Variants in POU2F3 observed in about 807,000 individuals in gnomAD.
POU2F3 encodes POU class 2 homeobox 3, also known as POU domain, class 2, transcription factor 3.
In POU2F3, 23 loss-of-function variants were observed where a neutral mutation model predicts 59.2. The observed-to-expected ratio is 0.39, with a 90% CI of 0.28 to 0.55. The LOEUF is 0.55. Among genes scored for constraint, POU2F3 ranks in the 20% least tolerant of loss-of-function variants. POU2F3 has a pLI of 0.66. For missense variants in POU2F3, 473 were observed against 544.5 expected (o/e 0.87, Z 1.31); for synonymous variants, 190 against 214.6 (o/e 0.89, Z 1.00).
chr11:120,250,829 T>C (rs963850311), intron 2 of POU2F3, among the ~76,000 whole-genome samples: 2 of 152,018 alleles, frequency 1.3e-5, no homozygotes, highest in African/African-American at 4.8e-5. Context: ...TACAAAAAAT[T>C]AGCCGGGCGT....
Position 120,299,701 on chromosome 11 carries a change from A to C in POU2F3, c.336A>C (p.Leu112=), listed in dbSNP as rs769265971. The C allele has an allele frequency of 1.5e-5, 25 of 1,613,234 alleles. No homozygotes were observed. The highest frequency in any genetic ancestry group is 6.7e-5 in the East Asian group (3 of 44,896). ...TACAGTCTGTATCCCAGTTCCTGCT[A>C]TCTCAGACCCAGCCTGGGCAGCAAG... ...GHLQSVSQFL[L]SQTQPGQQGL... Residue 112 remains leucine, a synonymous_variant, in exon 5 of 13, where the codon CTA becomes CTC. Coordinates refer to ENST00000543440, the MANE Select transcript of POU2F3 (RefSeq NM_014352.4).
chr11:120,242,309 T>A (rs945549975), intron 1 of POU2F3, among the ~76,000 whole-genome samples: 2 of 152,176 alleles, frequency 1.3e-5, no homozygotes, highest in African/African-American at 4.8e-5. Flanking sequence ...TGGTGGCCTT[T>A]ACTGTTCAAG....
At chr11:120,238,885 A>G (rs1172569444), upstream of POU2F3, among the ~76,000 whole-genome samples, 1 of 149,160 alleles carries the variant, frequency 6.7e-6, no homozygotes, top group Non-Finnish European at 1.5e-5. Flanking sequence ...TCTAAGCCTC[A>G]TTTTCCCCAT....
chr11:120,240,161 C>T lies in POU2F3; in HGVS notation c.-183C>T. 3 of 1,208,870 alleles carry T rather than the reference C, an allele frequency of 2.5e-6. No individual in the cohort carries two copies. The highest frequency in any genetic ancestry group is 3.1e-6 in the Non-Finnish European group (3 of 968,800). The allele number at this position is 1,208,870 out of a possible 1,614,324, so 74.9% of individuals were successfully genotyped here. ...GGGGAGTGTGGCAATCCTGGCGGCGCCGAGTGTTGCCCGGGCCGGAGCAGC... is the reference window on the plus strand; with the variant it reads ...GGGGAGTGTGGCAATCCTGGCGGCGTCGAGTGTTGCCCGGGCCGGAGCAGC... On this transcript the variant is annotated 5_prime_UTR_variant, in exon 1 of 13. Transcript: ENST00000543440.
chr11:120,289,709 T>C (rs1014206948), intron 3 of POU2F3, among the ~76,000 whole-genome samples: 3 of 152,234 alleles, frequency 2.0e-5, no homozygotes, highest in Non-Finnish European at 2.9e-5. Context: ...CTTTCTTTGC[T>C]TTTGCTGCCT....
At chr11:120,297,769 T>C (rs1453128550) in intron 3 of POU2F3, among the ~76,000 whole-genome samples, 2 of 151,336 alleles carry the variant, frequency 1.3e-5, no homozygotes, top group African/African-American at 2.4e-5. Context: ...TTTCTAAGAA[T>C]TTAATCCATT....
chr11:120,316,881 C>T (rs1941801153), intron 11 of POU2F3, among the ~76,000 whole-genome samples: 1 of 152,186 alleles, frequency 6.6e-6, no homozygotes, highest in Admixed American at 6.5e-5. Flanking sequence ...TGTTCTTTTT[C>T]TCCTACCGCC....
intron 5 of POU2F3, chr11:120,301,657 G>A (rs1941349783): frequency 6.5e-6 from 1 of 153,070 alleles, no homozygotes. Context: ...TGGGGAGGAT[G>A]GAGAAGCCGG....
At chr11:120,260,254 T>C (rs1365158968) in intron 2 of POU2F3, among the ~76,000 whole-genome samples, 1 of 152,250 alleles carries the variant, frequency 6.6e-6, no homozygotes, top group Non-Finnish European at 1.5e-5. Context: ...CTGCCAAAGC[T>C]ATGCAAATCA....
chr11:120,240,327 G>A lies in POU2F3; in HGVS notation c.-17G>A. ...GGGGCCTGGGGGGGCGCTGGCTTTG[G>A]CCCCGCCTGGGGCAGGATGGTGAAT... On this transcript the variant is annotated 5_prime_UTR_variant, in exon 1 of 13. Transcript: ENST00000543440. 7.2e-7 allele frequency: 1 copy of A among 1,381,702 alleles called. No individual in the cohort carries two copies. The allele number at this position is 1,381,702 out of a possible 1,614,324, so 85.6% of individuals were successfully genotyped here.
chr11:120,242,441 T>C (rs1296082562), intron 1 of POU2F3, among the ~76,000 whole-genome samples: 1 of 152,166 alleles, frequency 6.6e-6, no homozygotes, highest in African/African-American at 2.4e-5. Context: ...TCCAGGATCC[T>C]CTTTTGGAAA....
chr11:120,307,736 A>T, intron 9 of POU2F3, 121 bp downstream of exon 9: 1 of 1,334,796 alleles, frequency 7.5e-7, no homozygotes, highest in East Asian at 2.4e-5. Flanking sequence ...GGACACGATC[A>T]GAAAACACAT....
At chr11:120,236,648 A>C (rs978854175), upstream of POU2F3, 31 of 1,479,428 alleles carry the variant, frequency 2.1e-5, no homozygotes, top group Middle Eastern at 1.7e-4. Flanking sequence ...ATCTCACTCC[A>C]GCCCAGAGCT....
At chr11:120,305,272 C>T in intron 7 of POU2F3, 60 bp downstream of exon 7, 5 of 1,567,914 alleles carry the variant, frequency 3.2e-6, no homozygotes, top group Non-Finnish European at 4.3e-6. Flanking sequence ...ACTGGGCTTC[C>T]CAAGTGCAGG....
intron 2 of POU2F3, among the ~76,000 whole-genome samples, chr11:120,250,704 G>T (rs771459084): frequency 6.6e-6 from 1 of 152,148 alleles, no homozygotes; most frequent in Non-Finnish European, 1.5e-5. Context: ...GTCTGGGCGC[G>T]GTGGCTCATG....
At chr11:120,253,820 C>T (rs1939220634) in intron 2 of POU2F3, among the ~76,000 whole-genome samples, 2 of 152,232 alleles carry the variant, frequency 1.3e-5, no homozygotes, top group African/African-American at 4.8e-5. Context: ...CCTCCGTGAG[C>T]AATGGCTCCA....
rs570515799 is a variant in POU2F3 at position 120,251,318 on chromosome 11, G to A, written c.97+4801G>A. On this transcript the variant is annotated intron_variant, in intron 2 of 12. Transcript: ENST00000543440. ...AGCACATGTGTGAGCCTGTGCGTGC[G>A]CACACACACACACGCACACACACTC... Among the ~76,000 whole-genome samples the A allele has an allele frequency of 6.6e-4, 100 of 151,996 alleles. 2 individuals carry two copies. The South Asian group carries it at 0.015, about 23-fold the overall frequency.
intron 2 of POU2F3, among the ~76,000 whole-genome samples, chr11:120,254,503 TC>T (rs75481120): frequency 3.3e-5 from 5 of 152,016 alleles, no homozygotes; most frequent in Non-Finnish European, 7.4e-5. Flanking sequence ...GGAGACCACT[TC>T]CCCCCGGAAG....
chr11:120,281,270 A>G (rs1940558514), intron 3 of POU2F3, among the ~76,000 whole-genome samples: 1 of 151,754 alleles, frequency 6.6e-6, no homozygotes, highest in Non-Finnish European at 1.5e-5. Context: ...CTCTAAGCCA[A>G]TAGGTTTTTT....
Sources: gnomAD v4.1 joint callset for allele counts (sites outside exome capture counted in the v4.1 genomes callset) on GRCh38, gnomAD v4.1.1 for gene constraint, MANE v1.5 for transcripts, NCBI Gene and HGNC (gene_info 2026-07-23, HGNC 2026-07-21) for gene names.